Variants in KIAA1671 observed in about 807,000 individuals in gnomAD.
KIAA1671 encodes KIAA1671, also known as uncharacterized protein KIAA1671.
Under a neutral mutation model 131.2 loss-of-function variants are expected in KIAA1671, and 52 were observed. That is an observed-to-expected ratio of 0.40 (90% CI 0.32 to 0.50). The LOEUF (loss-of-function observed/expected upper bound fraction) is 0.50, where lower values mean the gene tolerates loss of function less well. Ranked by LOEUF, KIAA1671 falls within the 20% of genes least tolerant of loss-of-function variation. The pLI is 0.73. For missense variants in KIAA1671, 2,360 were observed against 2,364.2 expected (o/e 1.00, Z 0.04); for synonymous variants, 1,003 against 961.6 (o/e 1.04, Z -0.80).
Position 25,166,741 on chromosome 22 carries a change from G to A in KIAA1671, c.4531-4079G>A, listed in dbSNP as rs1933658125. ...CCTCAAAACAGTCCTTGTTTTTCCA[G>A]TGTGAAAACTGAGGCTTGGATGGGT... is the stretch of plus-strand genomic sequence containing the variant. On this transcript the variant is annotated intron_variant, in intron 6 of 12. Coordinates refer to ENST00000358431, the MANE Select transcript of KIAA1671 (RefSeq NM_001145206.2). Among the ~76,000 whole-genome samples, 4 of 152,152 alleles carry A rather than the reference G, an allele frequency of 2.6e-5. No homozygotes were observed. The South Asian group carries it at 6.2e-4, about 24-fold the overall frequency.
chr22:24,985,713 GGAGA>G (rs1030640496), intron 1 of KIAA1671, among the ~76,000 whole-genome samples: 23 of 151,166 alleles, frequency 1.5e-4, no homozygotes, highest in South Asian at 6.3e-4. Flanking sequence ...AGGGAGAGGG[GGAGA>G]GAGAGAGAGA....
At chr22:24,982,127 T>C (rs1214254555) in intron 1 of KIAA1671, among the ~76,000 whole-genome samples, 2 of 152,354 alleles carry the variant, frequency 1.3e-5, no homozygotes, top group East Asian at 1.9e-4. Flanking sequence ...TTACTTCTTA[T>C]GTTATTATTC....
At chr22:25,155,586 G>T (rs1933204330) in intron 6 of KIAA1671, among the ~76,000 whole-genome samples, 1 of 151,604 alleles carries the variant, frequency 6.6e-6, no homozygotes, top group African/African-American at 2.4e-5. Context: ...GTACATTTGT[G>T]CATGTGTATG....
At chr22:25,179,307 C>T in intron 9 of KIAA1671, 1 of 1,579,628 alleles carries the variant, frequency 6.3e-7, no homozygotes, top group Non-Finnish European at 8.6e-7. Flanking sequence ...CGTCCCGGGC[C>T]CTTAGCCCGA....
At chr22:25,171,526 A>G (rs1933847522) in intron 7 of KIAA1671, among the ~76,000 whole-genome samples, 1 of 152,158 alleles carries the variant, frequency 6.6e-6, no homozygotes, top group Admixed American at 6.6e-5. Flanking sequence ...AGCCTGGCCA[A>G]CATGGCGAAA....
At chr22:24,984,241 G>GTTC (rs1268551473) in intron 1 of KIAA1671, among the ~76,000 whole-genome samples, 2 of 152,202 alleles carry the variant, frequency 1.3e-5, no homozygotes, top group Admixed American at 6.5e-5. Context: ...TCCCTCCAGT[G>GTTC]TTCTAAGCCT....
At chr22:25,163,331 A>ATTTTTTTTTTTTTTTTTTTT (rs132895) in intron 6 of KIAA1671, among the ~76,000 whole-genome samples, 2 of 55,544 alleles carry the variant, frequency 3.6e-5, no homozygotes, top group African/African-American at 7.3e-5. Context: ...ATTGCCTCAA[A>ATTTTTTTTTTTTTTTTTTTT]TTTTTTTTTT....
chr22:25,107,288 G>A (rs1381821612), intron 6 of KIAA1671, among the ~76,000 whole-genome samples: 1 of 151,568 alleles, frequency 6.6e-6, no homozygotes, highest in East Asian at 2.0e-4. Context: ...GTGGTGGCAG[G>A]CACCTGTAGT....
Position 25,171,293 on chromosome 22 carries a change from G to A in KIAA1671, c.4649+355G>A, listed in dbSNP as rs1023450747. On this transcript the variant is annotated intron_variant, in intron 7 of 12. Coordinates refer to ENST00000358431, the MANE Select transcript of KIAA1671 (RefSeq NM_001145206.2). ...CGTACCCCTGTAATCCCAGCTACTT[G>A]GGAGGCTGAGGCAGGAGAATCAATC... Among the ~76,000 whole-genome samples, 54 of 152,012 alleles carry A rather than the reference G, an allele frequency of 3.6e-4. 1 individual carries two copies. The highest frequency in any genetic ancestry group is 3.5e-3 in the Admixed American group (53 of 15,260).
intron 1 of KIAA1671, among the ~76,000 whole-genome samples, chr22:24,999,168 T>C (rs1924300753): frequency 6.6e-6 from 1 of 152,210 alleles, no homozygotes. Context: ...CCAGTCTCTG[T>C]AATTTTAGCC....
intron 5 of KIAA1671, among the ~76,000 whole-genome samples, chr22:25,048,230 G>C (rs1260003903): frequency 2.0e-5 from 3 of 152,226 alleles, no homozygotes; most frequent in Non-Finnish European, 4.4e-5. Context: ...GAGATGTTGA[G>C]TGAGCAGTGG....
At chr22:24,968,288 G>A (rs1922411109) in intron 1 of KIAA1671, among the ~76,000 whole-genome samples, 1 of 152,182 alleles carries the variant, frequency 6.6e-6, no homozygotes, top group African/African-American at 2.4e-5. Flanking sequence ...CAGAGCAGGT[G>A]TGAGCCATCT....
chr22:25,131,259 G>A (rs570470216), intron 6 of KIAA1671, among the ~76,000 whole-genome samples: 4 of 152,318 alleles, frequency 2.6e-5, no homozygotes, highest in African/African-American at 4.8e-5. Context: ...TACAGCCTGC[G>A]AAGGTCCCTT....
intron 1 of KIAA1671, among the ~76,000 whole-genome samples, chr22:25,002,991 C>T (rs1205768479): frequency 1.3e-5 from 2 of 152,222 alleles, no homozygotes; most frequent in South Asian, 2.1e-4. Context: ...AGGCTGGTCT[C>T]GAACTCCTGA....
At position 24,988,370 on chromosome 22, in the gene KIAA1671, C is replaced by T. The variant is rs544778301; in HGVS notation, c.-208+35598C>T. ...TTTAGGGTATCTCTATTCTGACCCC[C>T]GCTCAGTGGGAAGGATTCCCATTTT... On this transcript the variant is annotated intron_variant, in intron 1 of 12. Coordinates refer to ENST00000358431, the MANE Select transcript of KIAA1671 (RefSeq NM_001145206.2). 9.3e-4 allele frequency among the ~76,000 whole-genome samples: 141 copies of T among 152,062 alleles called. 3 individuals are homozygous for T. Among genetic ancestry groups the T allele is most frequent in the Admixed American group, 2.0e-3 (31 of 15,256 alleles).
In KIAA1671 at chr22:25,194,595, A is replaced by T. The variant is rs1934767002; in HGVS notation, c.*2194A>T. 6.6e-6 allele frequency: 1 copy of T among 152,200 alleles called. No individual in the cohort carries two copies. The highest frequency in any genetic ancestry group is 1.5e-5 in the Non-Finnish European group (1 of 68,024). The allele number at this position is 152,200 out of a possible 1,614,324, so 9.4% of individuals were successfully genotyped here. A position where few individuals can be genotyped will look rare whatever the true frequency, so the allele number is the denominator to read the frequency against. On this transcript the variant is annotated 3_prime_UTR_variant, in exon 13 of 13. Coordinates refer to ENST00000358431, the MANE Select transcript of KIAA1671 (RefSeq NM_001145206.2). ...TGAAACACACTTGAAAATGAGATTGACCTGGAGATTTTTTTTCCCTAATCT... is the reference window on the plus strand; with the variant it reads ...TGAAACACACTTGAAAATGAGATTGTCCTGGAGATTTTTTTTCCCTAATCT...
chr22:24,990,963 C>G (rs1198284310), intron 1 of KIAA1671, among the ~76,000 whole-genome samples: 2 of 152,168 alleles, frequency 1.3e-5, no homozygotes, highest in Admixed American at 1.3e-4. Context: ...TGGCCCAGGG[C>G]TGGCCAAGCA....
In KIAA1671 at chr22:25,041,180, C is replaced by T; in HGVS notation, c.4050C>T (p.Pro1350=). The change falls in exon 5 of 13, where the codon CCC becomes CCT. Residue 1350 remains proline (P), a synonymous_variant. Coordinates refer to ENST00000358431, the MANE Select transcript of KIAA1671 (RefSeq NM_001145206.2). ...KCQNYLAESK[P]SGREDPGSGV... is the part of the protein sequence containing the mutation. ...AGAATTACCTGGCTGAGTCAAAGCC[C>T]TCTGGTCGGGAGGATCCAGGCAGTG... 6.4e-7 allele frequency: 1 copy of T among 1,551,800 alleles called. No homozygotes were observed. The highest frequency in any genetic ancestry group is 1.2e-5 in the South Asian group (1 of 84,060).
intron 1 of KIAA1671, among the ~76,000 whole-genome samples, chr22:24,974,050 A>G (rs1922782012): frequency 6.6e-6 from 1 of 152,068 alleles, no homozygotes; most frequent in African/African-American, 2.4e-5. Flanking sequence ...CAGCTCTGGG[A>G]GGCCCTGTCA....
Sources: allele counts gnomAD v4.1 joint callset (sites outside exome capture counted in the v4.1 genomes callset), GRCh38; gene constraint gnomAD v4.1.1; transcripts MANE v1.5; gene names NCBI Gene and HGNC (gene_info 2026-07-23, HGNC 2026-07-21).